The following DNAAF8 variants were observed in gnomAD, a reference collection of about 807,000 sequenced individuals.
DNAAF8 encodes dynein axonemal-associated protein 1.
A neutral mutation model predicts 54.6 loss-of-function variants in DNAAF8; 61 were observed. The ratio of observed to expected loss-of-function variants is 1.12; its 90% confidence interval spans 0.91 to 1.38. The LOEUF (loss-of-function observed/expected upper bound fraction) is 1.38, where lower values mean the gene tolerates loss of function less well. DNAAF8 is among the 40% of genes most tolerant of loss of function. The pLI is 0.00. For missense variants in DNAAF8, 837 were observed against 665.0 expected, an observed-to-expected ratio of 1.26 and a Z score of -2.85; for synonymous variants, 320 against 270.1, an observed-to-expected ratio of 1.18 and a Z score of -1.81.
Position 4,736,650 on chromosome 16 carries a change from A to C in DNAAF8, c.129+7A>C. The C allele has an allele frequency of 1.3e-6, 2 of 1,553,278 alleles. No homozygotes were observed. Among genetic ancestry groups the C allele is most frequent in the South Asian group, 1.2e-5 (1 of 84,664 alleles). Reference sequence around the variant, plus strand: ...GGACTCAGACTCCCCTTTGGTAAGCAAGAACTCTCTCCCTGGATGCCTTGT... The same window carrying C: ...GGACTCAGACTCCCCTTTGGTAAGCCAGAACTCTCTCCCTGGATGCCTTGT... On this transcript the variant is annotated splice_region_variant and intron_variant, in intron 2 of 9. Transcript: ENST00000299320.
intron 2 of DNAAF8, 78 bp downstream of exon 2, chr16:4,736,721 G>T (rs1239419441): frequency 7.6e-7 from 1 of 1,321,824 alleles, no homozygotes; most frequent in East Asian, 2.7e-5. Flanking sequence ...CAGCTTTGGA[G>T]CACTTCTCTG....
At position 4,747,471 on chromosome 16, in the gene DNAAF8, G is replaced by T. The variant is rs554554378; in HGVS notation, c.1409G>T (p.Gly470Val). The T allele has an allele frequency of 3.1e-6, 5 of 1,613,276 alleles. No homozygotes were observed. In the African/African-American group the frequency reaches 5.3e-5, roughly 17 times the overall value. ...GCTCAGGCCCCTGAAGACACAGCTG[G>T]ATCACGAACTGGGAGGAAGCAACAC... ...GRAQAPEDTA[G>V]SRTGRKQHMK... is the part of the protein sequence containing the mutation. The change falls in exon 9 of 10, where the codon GGA (glycine) becomes GTA (valine). Residue 470 changes from glycine to valine, a missense_variant. Gly to Val is a moderately radical substitution (Grantham distance 109). Transcript: ENST00000299320.
In DNAAF8 at chr16:4,743,161, G is replaced by C. The variant is rs750366259; in HGVS notation, c.901+1G>C. On this transcript the variant is annotated splice_donor_variant, in intron 5 of 9. Transcript: ENST00000299320. LOFTEE classifies it high-confidence loss of function. ...GCAGCTGACCACCGCCAAGTTCAAG[G>C]TCTGACCTTGAACACTGGAGCCCAC... The C allele has an allele frequency of 6.3e-7, 1 of 1,585,498 alleles. No homozygotes were observed. Among genetic ancestry groups the C allele is most frequent in the Non-Finnish European group, 8.6e-7 (1 of 1,159,676 alleles).
chr16:4,735,106 C>G (rs891374033), intron 1 of DNAAF8: 1 of 152,382 alleles, frequency 6.6e-6, no homozygotes, highest in African/African-American at 2.4e-5. Flanking sequence ...ACTTTCTTCC[C>G]TTAAACCTGT....
intron 8 of DNAAF8, 131 bp downstream of exon 8, chr16:4,747,156 G>A: frequency 1.7e-6 from 2 of 1,205,738 alleles, no homozygotes; most frequent in Non-Finnish European, 2.3e-6. Flanking sequence ...GAGGGGGACG[G>A]CACAGCTTTC....
rs762580874 is a variant in DNAAF8 at position 4,740,282 on chromosome 16, C to G, written c.406C>G (p.Leu136Val). 3.7e-6 allele frequency: 6 copies of G among 1,613,996 alleles called. No individual in the cohort carries two copies. The East Asian group carries it at 6.7e-5, about 18-fold the overall frequency. ...TGAAAGCTCTGGTGAGGTCAGCGCT[C>G]TTCTTGGGATGGCCGAGGAGCCCCC... ...PFESSGEVSA[L>V]LGMAEEPPRW... The change falls in exon 4 of 10, where the codon CTT becomes GTT. Residue 136 changes from leucine (L) to valine (V), a missense_variant. Physicochemically the swap from Leu to Val is conservative, Grantham distance 32. Transcript: ENST00000299320.
intron 4 of DNAAF8, among the ~76,000 whole-genome samples, chr16:4,741,941 T>C (rs755052928): frequency 6.6e-6 from 1 of 152,224 alleles, no homozygotes; most frequent in Non-Finnish European, 1.5e-5. Context: ...ATAATTTTTC[T>C]TAACAGGTTA....
At chr16:4,739,265 G>GTTTTTTTTTTTTCTTTTTTTTTTTTTTT (rs2081931962) in intron 3 of DNAAF8, among the ~76,000 whole-genome samples, 1 of 69,030 alleles carries the variant, frequency 1.4e-5, no homozygotes, top group African/African-American at 5.4e-5. Flanking sequence ...ATTTTTTCTT[G>GTTTTTTTTTTTTCTTTTTTTTTTTTTTT]TTTTTTTTTT....
Position 4,743,110 on chromosome 16 carries a change from A to T in DNAAF8, c.851A>T (p.Asn284Ile), listed in dbSNP as rs35021889. The T allele has an allele frequency of 4.8e-5, 77 of 1,612,492 alleles. No homozygotes were observed. In the Middle Eastern group the frequency reaches 4.9e-4, roughly 10 times the overall value. Residue 284 changes from asparagine to isoleucine, a missense_variant, in exon 5 of 10, where the codon AAT becomes ATT. By Grantham distance (149) the Asn-to-Ile change is moderately radical (BLOSUM62 -3). Coordinates refer to ENST00000299320, the MANE Select transcript of DNAAF8 (RefSeq NM_139170.3). The part of the protein sequence containing the change: ...SLAGQEDNQG[N>I]RAPGTVWWAA... Reference sequence around the variant, plus strand: ...GCGGGACAAGAAGACAACCAGGGAAATCGTGCACCTGGAACTGTGTGGTGG... The same window carrying T: ...GCGGGACAAGAAGACAACCAGGGAATTCGTGCACCTGGAACTGTGTGGTGG...
intron 4 of DNAAF8, among the ~76,000 whole-genome samples, chr16:4,740,921 G>A (rs1208168289): frequency 2.0e-5 from 3 of 151,926 alleles, no homozygotes; most frequent in Non-Finnish European, 1.5e-5. Flanking sequence ...ACAGCGGCTC[G>A]CACCTGTAAT....
chr16:4,737,596 C>A (rs997585600), intron 2 of DNAAF8, among the ~76,000 whole-genome samples: 1 of 151,962 alleles, frequency 6.6e-6, no homozygotes, highest in African/African-American at 2.4e-5. Flanking sequence ...CATTTCTAAA[C>A]GGTGGCAAGA....
Position 4,746,372 on chromosome 16 carries a change from C to G in DNAAF8, c.1044-3C>G. The G allele has an allele frequency of 6.2e-7, 1 of 1,610,094 alleles. No homozygotes were observed. Among genetic ancestry groups the G allele is most frequent in the Non-Finnish European group, 8.5e-7 (1 of 1,178,602 alleles). ...TCCACAACACCTGCTTTTCTCATTT[C>G]AGATGTGCCTCAAGGAAGCAGGGCT... is the stretch of plus-strand genomic sequence containing the variant. On this transcript the variant is annotated splice_polypyrimidine_tract_variant and splice_region_variant and intron_variant, in intron 6 of 9. Transcript: ENST00000299320.
intron 3 of DNAAF8, among the ~76,000 whole-genome samples, chr16:4,739,265 G>GGTTTTTTTTT (rs1555482695): frequency 3.2e-4 from 22 of 69,048 alleles, no homozygotes; most frequent in South Asian, 1.3e-3. Flanking sequence ...ATTTTTTCTT[G>GGTTTTTTTTT]TTTTTTTTTT....
rs780571162 is a variant in DNAAF8, at chr16:4,745,009, C to T, written c.1041C>T (p.Ser347=). 32 of 1,613,032 alleles carry T rather than the reference C, an allele frequency of 2.0e-5. No individual in the cohort carries two copies. The South Asian group carries it at 3.4e-4, about 17-fold the overall frequency. The part of the protein sequence containing the change: ...PQDTKEADSG[S]RCASRKQGSQ... Reference sequence around the variant, plus strand: ...ACACCAAAGAGGCAGATTCAGGAAGCAGGTGGGACTTGTAGCCAGGCCCGG... The same window carrying T: ...ACACCAAAGAGGCAGATTCAGGAAGTAGGTGGGACTTGTAGCCAGGCCCGG... The change falls in exon 6 of 10, where the codon AGC becomes AGT. Residue 347 remains serine (S), a splice_region_variant and synonymous_variant. Transcript: ENST00000299320.
chr16:4,744,563 T>C (rs948383183), intron 5 of DNAAF8, among the ~76,000 whole-genome samples: 9 of 152,218 alleles, frequency 5.9e-5, no homozygotes, highest in African/African-American at 1.9e-4. Context: ...GAACTGTTCA[T>C]TATGATCACC....
intron 6 of DNAAF8, among the ~76,000 whole-genome samples, chr16:4,745,659 G>C (rs1207255371): frequency 6.6e-6 from 1 of 152,152 alleles, no homozygotes; most frequent in Non-Finnish European, 1.5e-5. Flanking sequence ...TAACAGAAGT[G>C]GCTACACCTG....
chr16:4,743,850 C>T (rs1211745081), intron 5 of DNAAF8: 1 of 151,304 alleles, frequency 6.6e-6, no homozygotes, highest in Admixed American at 6.6e-5. Flanking sequence ...TTCTGGAGGA[C>T]ATGTGTGTGC....
In DNAAF8 at chr16:4,749,241, G is replaced by A. The variant is rs900164058; in HGVS notation, c.*526G>A. 12 of 154,432 alleles carry A rather than the reference G, an allele frequency of 7.8e-5. No homozygotes were observed. Among genetic ancestry groups the A allele is most frequent in the Non-Finnish European group, 1.8e-4 (12 of 68,234 alleles). 9.6% of individuals were successfully genotyped at this position (154,432 alleles called of 1,614,324 possible). Reference sequence around the variant, plus strand: ...TCTGCCCCCATACGCTGCCCTCGCAGCCTGGCGGCCTCCGCTGTGGCTGCC... The same window carrying A: ...TCTGCCCCCATACGCTGCCCTCGCAACCTGGCGGCCTCCGCTGTGGCTGCC... On this transcript the variant is annotated 3_prime_UTR_variant, in exon 10 of 10. Coordinates refer to ENST00000299320, the MANE Select transcript of DNAAF8 (RefSeq NM_139170.3).
chr16:4,744,279 G>A (rs1445101420), intron 5 of DNAAF8, among the ~76,000 whole-genome samples: 2 of 152,104 alleles, frequency 1.3e-5, no homozygotes, highest in Admixed American at 1.3e-4. Flanking sequence ...TCAAGCTATT[G>A]CAATTAGAAA....
Sources: allele counts gnomAD v4.1 joint callset (sites outside exome capture counted in the v4.1 genomes callset), GRCh38; gene constraint gnomAD v4.1.1; transcripts MANE v1.5; gene names NCBI Gene and HGNC (gene_info 2026-07-23, HGNC 2026-07-21).